SMC1A: variants seen among roughly 807,000 people sequenced by gnomAD.
The protein encoded by SMC1A is structural maintenance of chromosomes 1A.
In SMC1A, 4 loss-of-function variants were observed where a neutral mutation model predicts 94.5. That is an observed-to-expected ratio of 0.04 (90% confidence interval 0.02 to 0.10). The LOEUF (loss-of-function observed/expected upper bound fraction) is 0.10, where lower values mean the gene tolerates loss of function less well. SMC1A is among the 10% of genes least tolerant of loss of function. SMC1A has a pLI of 1.00. For missense variants in SMC1A, 304 were observed against 989.0 expected, an observed-to-expected ratio of 0.31 and a Z score of 9.29; for synonymous variants, 345 against 347.7, an observed-to-expected ratio of 0.99 and a Z score of 0.09.
At chrX:53,422,246 A>C (rs1236962660) in intron 1 of SMC1A, among the ~76,000 whole-genome samples, 1 of 112,127 alleles carries the variant, frequency 8.9e-6, no homozygotes, top group Non-Finnish European at 1.9e-5. Flanking sequence ...GGTAACTGGC[A>C]GCTCGGCCTG....
At position 53,405,292 on chromosome X, in the gene SMC1A, C is replaced by T; in HGVS notation, c.2011G>A (p.Val671Ile). The T allele has an allele frequency of 1.1e-5, 13 of 1,212,028 alleles. No individual in the cohort carries two copies. The highest frequency in any genetic ancestry group is 1.5e-5 in the Non-Finnish European group (13 of 895,611). Residue 671 changes from valine to isoleucine, a missense_variant, in exon 12 of 25, where the codon GTA becomes ATA. By Grantham distance (29) the Val-to-Ile change is conservative (BLOSUM62 3). Coordinates refer to ENST00000322213, the MANE Select transcript of SMC1A (RefSeq NM_006306.4). ...TCCTTCTTCTCTTTCAACTTGTCTA[C>T]TGCTTTCTCATCCCAGCGCCGTGCC... ...AKARRWDEKA[V>I]DKLKEKKERL...
chrX:53,400,495 C>T (rs370970475), intron 15 of SMC1A, among the ~76,000 whole-genome samples: 3 of 111,698 alleles, frequency 2.7e-5, no homozygotes, highest in Non-Finnish European at 5.6e-5. Flanking sequence ...ACCGAGTCCA[C>T]GATAACTACT....
intron 1 of SMC1A, among the ~76,000 whole-genome samples, chrX:53,418,256 T>G (rs782092452): frequency 8.9e-6 from 1 of 112,548 alleles, no homozygotes; most frequent in East Asian, 2.8e-4. Context: ...TGCCTCAGTC[T>G]CCTGAATAGC....
intron 19 of SMC1A, 39 bp downstream of exon 19, chrX:53,394,739 A>AC: frequency 2.1e-5 from 4 of 188,651 alleles, no homozygotes; most frequent in Admixed American, 6.2e-5. Context: ...ACTCCCACCC[A>AC]ACCCCCACCC....
intron 16 of SMC1A, 64 bp downstream of exon 16, chrX:53,399,525 G>T: frequency 9.5e-7 from 1 of 1,047,290 alleles, no homozygotes; most frequent in Non-Finnish European, 1.3e-6. Context: ...CCTTCTGTCT[G>T]TCGTATTTCT....
At chrX:53,409,563 C>A in intron 7 of SMC1A, 60 bp from the exon 8 acceptor site, 3 of 916,789 alleles carry the variant, frequency 3.3e-6, no homozygotes, top group Non-Finnish European at 4.8e-6. Flanking sequence ...ACCATGGGGG[C>A]TCTAGATCAC....
intron 1 of SMC1A, among the ~76,000 whole-genome samples, chrX:53,418,546 T>C (rs2075741203): frequency 8.9e-6 from 1 of 112,412 alleles, no homozygotes; most frequent in Non-Finnish European, 1.9e-5. Flanking sequence ...GTGATCCTCC[T>C]GTCTCAGCCT....
At chrX:53,384,497 C>G (rs1402740427) in intron 19 of SMC1A, among the ~76,000 whole-genome samples, 1 of 110,446 alleles carries the variant, frequency 9.1e-6, no homozygotes, top group Non-Finnish European at 1.9e-5. Context: ...TTCCTGAGCT[C>G]AACTGATCCA....
Position 53,409,239 on chromosome X carries a change from C to G in SMC1A, c.1368G>C (p.Glu456Asp). The change falls in exon 9 of 25, where the codon GAG becomes GAC. Residue 456 changes from glutamate (E) to aspartate (D), a missense_variant. Glu to Asp is a conservative substitution (Grantham distance 45, BLOSUM62 2). This residue lies in a region of SMC1A where 120 missense variants were observed against 314.9 expected (regional missense o/e 0.38). Coordinates refer to ENST00000322213, the MANE Select transcript of SMC1A (RefSeq NM_006306.4). Reference sequence around the variant, plus strand: ...TCTCCACCTCCTCTGTCAGCTCCCCCTCTAGCTTCTTCTGCTCTTCTAGGG... The same window carrying G: ...TCTCCACCTCCTCTGTCAGCTCCCCGTCTAGCTTCTTCTGCTCTTCTAGGG... ...KQSLEEQKKL[E>D]GELTEEVEMA... 1.7e-6 allele frequency: 2 copies of G among 1,209,185 alleles called. No individual in the cohort carries two copies. The highest frequency in any genetic ancestry group is 1.7e-5 in the African/African-American group (1 of 57,716).
intron 1 of SMC1A, chrX:53,422,024 C>T (rs1556892175): frequency 9.1e-6 from 11 of 1,209,347 alleles, no homozygotes; most frequent in Non-Finnish European, 1.2e-5. Context: ...CAATGCGAGG[C>T]GAGAGAGGAC....
intron 19 of SMC1A, among the ~76,000 whole-genome samples, chrX:53,391,556 T>G (rs2075629662): frequency 9.0e-6 from 1 of 110,964 alleles, no homozygotes; most frequent in African/African-American, 3.3e-5. Context: ...TGAGACAGGT[T>G]CTCCCTGTCA....
chrX:53,409,258 T>C lies in SMC1A; in HGVS notation c.1349A>G (p.Glu450Gly). ...EYITTSKQSL[E>G]EQKKLEGELT... ...CTCCCCCTCTAGCTTCTTCTGCTCT[T>C]CTAGGGACTGCCTACAAAGTGAGGG... is the stretch of plus-strand genomic sequence containing the variant. The change falls in exon 9 of 25, where the codon GAA (glutamate) becomes GGA (glycine). Residue 450 changes from glutamate (E) to glycine (G), a missense_variant. Physicochemically the swap from Glu to Gly is moderately conservative, Grantham distance 98. Around this residue, in one of 11 missense-constraint regions of SMC1A, gnomAD observed 120 missense variants for 314.9 expected, o/e 0.38. Transcript: ENST00000322213. 1.7e-6 allele frequency: 2 copies of C among 1,207,285 alleles called. No homozygotes were observed. Among genetic ancestry groups the C allele is most frequent in the Non-Finnish European group, 2.2e-6 (2 of 893,007 alleles).
chrX:53,419,527 CAA>C (rs1248197053), intron 1 of SMC1A, among the ~76,000 whole-genome samples: 10 of 90,648 alleles, frequency 1.1e-4, no homozygotes, highest in Admixed American at 2.5e-4. Context: ...ACCCTGACTC[CAA>C]AAAAAAAAAA....
chrX:53,422,656 AG>A, upstream of SMC1A: 1 of 802,217 alleles, frequency 1.2e-6, no homozygotes, highest in Non-Finnish European at 1.9e-6. Flanking sequence ...CCGAGAACTG[AG>A]GTAGCCCGCG....
chrX:53,395,071 A>G (rs782359287), intron 18 of SMC1A, among the ~76,000 whole-genome samples, 183 bp from the exon 19 acceptor site: 14 of 112,728 alleles, frequency 1.2e-4, no homozygotes, highest in Non-Finnish European at 2.3e-4. Context: ...GGCCAGGTGC[A>G]GTGGCTTGCG....
At chrX:53,406,443 C>T (rs781866331) in intron 9 of SMC1A, among the ~76,000 whole-genome samples, 3 of 111,451 alleles carry the variant, frequency 2.7e-5, no homozygotes, top group Non-Finnish European at 5.7e-5. Flanking sequence ...ATGAGGGAAA[C>T]TCAGTATTAC....
chrX:53,382,739 C>T, intron 20 of SMC1A, 79 bp from the exon 21 acceptor site: 2 of 1,116,623 alleles, frequency 1.8e-6, no homozygotes, highest in South Asian at 3.7e-5. Context: ...GCAGGAACAT[C>T]CCACTGAGAG....
intron 15 of SMC1A, among the ~76,000 whole-genome samples, chrX:53,403,037 A>C (rs782066361): frequency 9.9e-5 from 10 of 101,180 alleles, no homozygotes; most frequent in African/African-American, 2.2e-4. Context: ...AAAAAAAGAA[A>C]AATTAGCCGG....
chrX:53,394,748 CCCCACCACA>C, intron 19 of SMC1A, 21 bp downstream of exon 19: 1 of 673,213 alleles, frequency 1.5e-6, no homozygotes, highest in Non-Finnish European at 2.4e-6. Flanking sequence ...CAACCCCCAC[CCCCACCACA>C]CCCCTGTGGT....
Sources: allele counts gnomAD v4.1 joint callset (sites outside exome capture counted in the v4.1 genomes callset), GRCh38; gene constraint gnomAD v4.1.1; regional missense constraint gnomAD v4.1.1; transcripts MANE v1.5; gene names NCBI Gene and HGNC (gene_info 2026-07-23, HGNC 2026-07-21).